The following ZNF727 variants were observed in gnomAD, a reference collection of about 807,000 sequenced individuals.
ZNF727 encodes putative zinc finger protein 727.
A neutral mutation model predicts 11.5 loss-of-function variants in ZNF727; 11 were observed. The observed-to-expected ratio is 0.95, with a 90% CI of 0.60 to 1.58. The LOEUF (loss-of-function observed/expected upper bound fraction) is 1.58. ZNF727 is among the 40% of genes most tolerant of loss of function. The pLI, the probability that ZNF727 is intolerant of heterozygous loss-of-function variation, is 0.00. For synonymous variants in ZNF727, 171 were observed against 196.1 expected (o/e 0.87, Z 1.07); for missense variants, 533 against 581.7 (o/e 0.92, Z 0.86).
intron 1 of ZNF727, among the ~76,000 whole-genome samples, chr7:64,058,491 T>C (rs1789720212): frequency 6.6e-6 from 1 of 152,132 alleles, no homozygotes; most frequent in Non-Finnish European, 1.5e-5. Context: ...TTTAGACTTA[T>C]CCCTGTCCCC....
chr7:64,058,951 T>TTG (rs71057373), intron 1 of ZNF727, among the ~76,000 whole-genome samples: 2 of 19,172 alleles, frequency 1.0e-4, no homozygotes, highest in African/African-American at 2.4e-4. Context: ...TTGCATTGTC[T>TTG]TTTTTTTTTT....
rs1785834912 is a variant in ZNF727, at chr7:64,083,996, A to C, written c.*5447A>C. Reference sequence around the variant, plus strand: ...CTCTTACATTTGATGCTATGTCTTCATTCTAGAATTTATGTGAAAGAACAT... The same window carrying C: ...CTCTTACATTTGATGCTATGTCTTCCTTCTAGAATTTATGTGAAAGAACAT... On this transcript the variant is annotated 3_prime_UTR_variant, in exon 4 of 4. Transcript: ENST00000456806. Among the ~76,000 whole-genome samples, 2 of 152,200 alleles carry C rather than the reference A, an allele frequency of 1.3e-5. No homozygotes were observed. The highest frequency in any genetic ancestry group is 2.9e-5 in the Non-Finnish European group (2 of 68,038).
chr7:64,077,785 C>T lies in ZNF727; in HGVS notation c.736C>T (p.His246Tyr). The T allele has an allele frequency of 6.4e-7, 1 of 1,573,240 alleles. No individual in the cohort carries two copies. Among genetic ancestry groups the T allele is most frequent in the African/African-American group, 1.4e-5 (1 of 73,642 alleles). The change falls in exon 4 of 4, where the codon CAC (histidine) becomes TAC (tyrosine). Residue 246 changes from histidine (H) to tyrosine (Y), a missense_variant. Physicochemically the swap from His to Tyr is moderately conservative, Grantham distance 83. Transcript: ENST00000456806. The part of the protein sequence containing the change: ...TFTCSSALTK[H>Y]KRNHTGDRPY... ...TACCTGTTCCTCAGCCCTTACTAAA[C>T]ACAAGAGAAATCATACTGGAGACAG...
intron 1 of ZNF727, among the ~76,000 whole-genome samples, chr7:64,058,948 G>GTATTTTTTTTTTTTTT: frequency 1.2e-5 from 1 of 85,614 alleles, no homozygotes; most frequent in African/African-American, 3.6e-5. Flanking sequence ...CTATTGCATT[G>GTATTTTTTTTTTTTTT]TCTTTTTTTT....
At chr7:64,073,458 T>G (rs2116321537) in intron 3 of ZNF727, among the ~76,000 whole-genome samples, 1 of 151,862 alleles carries the variant, frequency 6.6e-6, no homozygotes, top group East Asian at 1.9e-4. Flanking sequence ...CTTTTTTTTC[T>G]TTGTTCTATT....
chr7:64,052,322 G>T (rs746176037), intron 1 of ZNF727, among the ~76,000 whole-genome samples: 20 of 151,090 alleles, frequency 1.3e-4, no homozygotes, highest in Non-Finnish European at 2.4e-4. Context: ...TAGTGAATAG[G>T]TCTCATGAGA....
intron 1 of ZNF727, among the ~76,000 whole-genome samples, chr7:64,061,851 G>C (rs1193608433): frequency 1.5e-5 from 2 of 131,948 alleles, no homozygotes; most frequent in African/African-American, 2.7e-5. Context: ...TTGATTTTAT[G>C]TATGTGTGTC....
chr7:64,076,044 AT>A (rs1785651162), intron 3 of ZNF727, among the ~76,000 whole-genome samples: 1 of 148,960 alleles, frequency 6.7e-6, no homozygotes, highest in Non-Finnish European at 1.5e-5. Flanking sequence ...ACTATTTTAT[AT>A]TTTAGTGGCT....
In ZNF727 at chr7:64,045,542, A is replaced by AC; in HGVS notation, c.-78dup. ...GCTCCATTAGCTCCTCGGTGACTCC[A>AC]CCATAGCCCCTGTTATCCTGTGACC... On this transcript the variant is annotated 5_prime_UTR_variant, in exon 1 of 4. Coordinates refer to ENST00000456806, the MANE Select transcript of ZNF727 (RefSeq NM_001159522.3). 1 of 1,541,456 alleles carries AC rather than the reference A, an allele frequency of 6.5e-7. No individual in the cohort carries two copies. The highest frequency in any genetic ancestry group is 1.2e-5 in the South Asian group (1 of 83,824).
At chr7:64,047,025 G>C (rs1255467111) in intron 1 of ZNF727, among the ~76,000 whole-genome samples, 1 of 150,592 alleles carries the variant, frequency 6.6e-6, no homozygotes, top group African/African-American at 2.5e-5. Flanking sequence ...AAATTCTTTC[G>C]ACGTAGTTAG....
intron 1 of ZNF727, among the ~76,000 whole-genome samples, chr7:64,065,678 C>T (rs1439192203): frequency 2.6e-5 from 4 of 152,024 alleles, no homozygotes; most frequent in African/African-American, 4.8e-5. Context: ...TGAAATATCA[C>T]GTGTGTAGAA....
rs1264625512 is a variant in ZNF727 at position 64,078,163 on chromosome 7, G to T, written c.1114G>T (p.Glu372Ter). 2 of 1,596,222 alleles carry T rather than the reference G, an allele frequency of 1.3e-6. No homozygotes were observed. Among genetic ancestry groups the T allele is most frequent in the Admixed American group, 3.5e-5 (2 of 56,932 alleles). Residue 372 changes from glutamate (E) to a stop codon, truncating the protein, a stop_gained, in exon 4 of 4, where the codon GAA (glutamate) becomes TAA (stop). Coordinates refer to ENST00000456806, the MANE Select transcript of ZNF727 (RefSeq NM_001159522.3). LOFTEE classifies it low-confidence loss of function (END_TRUNC). Reference sequence around the variant, plus strand: ...GGAATTGAGACCTTACAAATGTGAAGAATGTGGCAAAACCTTTAAGTGGTT... The same window carrying T: ...GGAATTGAGACCTTACAAATGTGAATAATGTGGCAAAACCTTTAAGTGGTT... ...HMELRPYKCEECGKTFKWFSD... is the reference protein window; with the variant it reads ...HMELRPYKCE
Position 64,071,007 on chromosome 7 carries a change from T to TG in ZNF727, c.226+1398_226+1399insG, listed in dbSNP as rs111800409. 2.1e-3 allele frequency among the ~76,000 whole-genome samples: 312 copies of TG among 151,470 alleles called. 2 individuals are homozygous for TG. The highest frequency in any genetic ancestry group is 3.8e-3 in the Non-Finnish European group (259 of 67,824). On this transcript the variant is annotated intron_variant, in intron 3 of 3. Transcript: ENST00000456806. Reference sequence around the variant, plus strand: ...TTTGTATATATACCATGTTTTTTTTTTGTGCAGTCAGTTTCCACAAACACT... The same window carrying TG: ...TTTGTATATATACCATGTTTTTTTTTGTGTGCAGTCAGTTTCCACAAACACT...
intron 1 of ZNF727, among the ~76,000 whole-genome samples, chr7:64,062,312 A>G (rs541745190): frequency 6.6e-6 from 1 of 151,980 alleles, no homozygotes; most frequent in South Asian, 2.1e-4. Flanking sequence ...ATTGCTCATT[A>G]ATGTTCTATT....
At position 64,079,001 on chromosome 7, in the gene ZNF727, T is replaced by G. The variant is rs985131448; in HGVS notation, c.*452T>G. ...AGAGACACCCTACATCCATGAAGAA[T>G]GTGGCAAGGCCTTTACCTACTCCTC... On this transcript the variant is annotated 3_prime_UTR_variant, in exon 4 of 4. Coordinates refer to ENST00000456806, the MANE Select transcript of ZNF727 (RefSeq NM_001159522.3). Among the ~76,000 whole-genome samples, 3 of 152,178 alleles carry G rather than the reference T, an allele frequency of 2.0e-5. No homozygotes were observed. The highest frequency in any genetic ancestry group is 7.2e-5 in the African/African-American group (3 of 41,444).
chr7:64,072,807 C>T (rs753206796), intron 3 of ZNF727, among the ~76,000 whole-genome samples: 1 of 152,114 alleles, frequency 6.6e-6, no homozygotes, highest in Non-Finnish European at 1.5e-5. Flanking sequence ...TTCAAAATGA[C>T]TCCAATCAAT....
chr7:64,079,999 T>C lies in ZNF727; in HGVS notation c.*1450T>C, dbSNP rs1175796266. On this transcript the variant is annotated 3_prime_UTR_variant, in exon 4 of 4. Coordinates refer to ENST00000456806, the MANE Select transcript of ZNF727 (RefSeq NM_001159522.3). ...TATTGGCCATTAATCTCTTTTGACT[T>C]GAGGGATCTCAGCTGCAAGGTTCAT... 1.3e-5 allele frequency among the ~76,000 whole-genome samples: 2 copies of C among 152,210 alleles called. No homozygotes were observed. The highest frequency in any genetic ancestry group is 2.9e-5 in the Non-Finnish European group (2 of 68,044).
chr7:64,076,189 C>T (rs920607544), intron 3 of ZNF727, among the ~76,000 whole-genome samples: 83 of 152,232 alleles, frequency 5.5e-4, no homozygotes, highest in African/African-American at 1.9e-3. Context: ...ATCAGTCATA[C>T]ATATATTGCC....
chr7:64,075,508 T>C (rs181509024), intron 3 of ZNF727, among the ~76,000 whole-genome samples: 2 of 152,032 alleles, frequency 1.3e-5, no homozygotes, highest in Non-Finnish European at 2.9e-5. Flanking sequence ...CAGTGGTGGA[T>C]TGGATAAAGA....
Sources: gnomAD v4.1 joint callset for allele counts (sites outside exome capture counted in the v4.1 genomes callset) on GRCh38, gnomAD v4.1.1 for gene constraint, MANE v1.5 for transcripts, NCBI Gene and HGNC (gene_info 2026-07-23, HGNC 2026-07-21) for gene names.